Variants in STK39 observed in about 807,000 individuals in gnomAD.
The protein encoded by STK39 is serine/threonine kinase 39, also known as STE20/SPS1-related proline-alanine-rich protein kinase.
A neutral mutation model predicts 77.8 loss-of-function variants in STK39; 20 were observed. The ratio of observed to expected loss-of-function variants is 0.26; its 90% confidence interval spans 0.18 to 0.37. The LOEUF (loss-of-function observed/expected upper bound fraction) is 0.37. STK39 is among the 10% of genes least tolerant of loss of function. The probability of loss-of-function intolerance (pLI) is 1.00; values close to 1 mark genes in which losing one functional copy is unlikely to be tolerated. For synonymous variants in STK39, 246 were observed against 234.1 expected (o/e 1.05, Z -0.47); for missense variants, 479 against 656.5 (o/e 0.73, Z 2.95).
intron 1 of STK39, among the ~76,000 whole-genome samples, chr2:168,239,138 G>A (rs1239309310): frequency 6.6e-6 from 1 of 152,110 alleles, no homozygotes; most frequent in African/African-American, 2.4e-5. Flanking sequence ...CTGCAATTCT[G>A]CTCCTGTGTT....
At chr2:168,184,333 G>A (rs1689154957) in intron 1 of STK39, among the ~76,000 whole-genome samples, 1 of 152,162 alleles carries the variant, frequency 6.6e-6, no homozygotes, top group Non-Finnish European at 1.5e-5. Context: ...ACTAAGGAAC[G>A]ACTGGCTACT....
intron 10 of STK39, among the ~76,000 whole-genome samples, chr2:168,093,299 AG>A (rs1686574693): frequency 6.6e-6 from 1 of 152,242 alleles, no homozygotes; most frequent in South Asian, 2.1e-4. Flanking sequence ...TAACTCATAA[AG>A]AAAAAGAGGT....
chr2:168,230,519 C>G (rs993718119), intron 1 of STK39, among the ~76,000 whole-genome samples: 1 of 152,212 alleles, frequency 6.6e-6, no homozygotes. Flanking sequence ...TGACCCCAAA[C>G]TGAAGAAATG....
chr2:168,225,086 T>A (rs1690270389), intron 1 of STK39, among the ~76,000 whole-genome samples: 1 of 152,104 alleles, frequency 6.6e-6, no homozygotes, highest in African/African-American at 2.4e-5. Context: ...GTTTTGAAAG[T>A]GAAGCAGAAT....
At chr2:167,966,465 G>A (rs781399541) in intron 16 of STK39, among the ~76,000 whole-genome samples, 2 of 152,112 alleles carry the variant, frequency 1.3e-5, no homozygotes, top group East Asian at 1.9e-4. Context: ...TAAATTCTTC[G>A]TATAAATTTC....
intron 5 of STK39, among the ~76,000 whole-genome samples, chr2:168,158,744 T>C (rs1327848950): frequency 6.6e-6 from 1 of 152,242 alleles, no homozygotes; most frequent in African/African-American, 2.4e-5. Context: ...GATGCAATAG[T>C]ACCTTCCTCA....
intron 10 of STK39, among the ~76,000 whole-genome samples, chr2:168,122,009 A>C (rs1687419722): frequency 6.6e-6 from 1 of 152,160 alleles, no homozygotes; most frequent in Non-Finnish European, 1.5e-5. Flanking sequence ...CTGCTAGCAA[A>C]GTGGTTTGTA....
chr2:168,176,811 AGATTT>A (rs1357418394), intron 2 of STK39, among the ~76,000 whole-genome samples: 2 of 152,218 alleles, frequency 1.3e-5, no homozygotes, highest in African/African-American at 4.8e-5. Context: ...AATTTACAGT[AGATTT>A]CTGCTATCAT....
chr2:168,166,753 TAA>T lies in STK39; in HGVS notation c.430+544_430+545del, dbSNP rs886758769. ...GTGCTTAAGAGTCACATGGGATTAGTAAAAAGTAGATAGCAGCACCTCAGAAC... is the reference window on the plus strand; with the variant it reads ...GTGCTTAAGAGTCACATGGGATTAGTAAAGTAGATAGCAGCACCTCAGAAC... On this transcript the variant is annotated intron_variant, in intron 3 of 17. Coordinates refer to ENST00000355999, the MANE Select transcript of STK39 (RefSeq NM_013233.3). Among the ~76,000 whole-genome samples, 13 of 152,298 alleles carry T rather than the reference TAA, an allele frequency of 8.5e-5. No individual in the cohort carries two copies. In the South Asian group the frequency reaches 2.5e-3, roughly 29 times the overall value.
At chr2:168,043,989 A>G (rs1417375832) in intron 14 of STK39, among the ~76,000 whole-genome samples, 2 of 152,244 alleles carry the variant, frequency 1.3e-5, no homozygotes, top group African/African-American at 2.4e-5. Context: ...GCTAGAGGAA[A>G]GCAACCTCTC....
At chr2:168,229,141 G>A (rs1185889426) in intron 1 of STK39, among the ~76,000 whole-genome samples, 2 of 152,036 alleles carry the variant, frequency 1.3e-5, no homozygotes, top group African/African-American at 4.8e-5. Flanking sequence ...AGGTCAAGGC[G>A]GGTGGATCAC....
intron 10 of STK39, among the ~76,000 whole-genome samples, chr2:168,110,253 G>A (rs1687086768): frequency 6.6e-6 from 1 of 152,070 alleles, no homozygotes; most frequent in Admixed American, 6.6e-5. Flanking sequence ...TATTTTTGAA[G>A]ACAAGGTCTT....
intron 14 of STK39, among the ~76,000 whole-genome samples, chr2:168,018,305 G>C (rs1684466781): frequency 1.3e-5 from 2 of 151,926 alleles, no homozygotes; most frequent in Non-Finnish European, 2.9e-5. Context: ...TTCGAGACCA[G>C]CCTAGCCAAC....
chr2:168,177,087 A>G (rs1304515909), intron 2 of STK39, among the ~76,000 whole-genome samples: 1 of 152,200 alleles, frequency 6.6e-6, no homozygotes, highest in Admixed American at 6.5e-5. Context: ...CCCCTGACCC[A>G]GGGAGTTCCT....
At chr2:168,122,266 A>G (rs1052560964) in intron 10 of STK39, among the ~76,000 whole-genome samples, 10 of 152,140 alleles carry the variant, frequency 6.6e-5, no homozygotes, top group African/African-American at 2.4e-4. Context: ...ATTCCTACTT[A>G]TAAGTGAGAA....
intron 16 of STK39, among the ~76,000 whole-genome samples, chr2:167,986,657 A>G (rs1683567151): frequency 6.6e-6 from 1 of 152,188 alleles, no homozygotes; most frequent in African/African-American, 2.4e-5. Context: ...TGTCACATTG[A>G]TTTGGGAAAT....
chr2:168,094,061 C>A (rs1166493609), intron 10 of STK39, among the ~76,000 whole-genome samples: 1 of 152,210 alleles, frequency 6.6e-6, no homozygotes, highest in Admixed American at 6.5e-5. Context: ...AACTATAGGA[C>A]CAAGTCCTTC....
intron 16 of STK39, among the ~76,000 whole-genome samples, chr2:167,967,789 T>C (rs1249576277): frequency 1.3e-5 from 2 of 152,204 alleles, no homozygotes; most frequent in East Asian, 3.9e-4. Context: ...CTCCACATTT[T>C]TTAAAATATA....
At chr2:168,209,829 T>C (rs1048648282) in intron 1 of STK39, among the ~76,000 whole-genome samples, 1 of 152,026 alleles carries the variant, frequency 6.6e-6, no homozygotes, top group African/African-American at 2.4e-5. Context: ...TGAAACCCAG[T>C]CTCTATTAAA....
Sources: allele counts gnomAD v4.1 joint callset (sites outside exome capture counted in the v4.1 genomes callset), GRCh38; gene constraint gnomAD v4.1.1; transcripts MANE v1.5; gene names NCBI Gene and HGNC (gene_info 2026-07-23, HGNC 2026-07-21).